C1orf185: variants seen among roughly 807,000 people sequenced by gnomAD.
C1orf185 encodes the protein uncharacterized protein C1orf185.
A neutral mutation model predicts 16.1 loss-of-function variants in C1orf185; 13 were observed. The ratio of observed to expected loss-of-function variants is 0.81; its 90% CI spans 0.53 to 1.28. The LOEUF (loss-of-function observed/expected upper bound fraction) is 1.28. Ranked by LOEUF, C1orf185 falls within the 50% of genes most tolerant of loss-of-function variation. The pLI is 0.00. For synonymous variants in C1orf185, 80 were observed against 76.9 expected (o/e 1.04, Z -0.21); for missense variants, 220 against 225.2 (o/e 0.98, Z 0.15).
intron 1 of C1orf185, among the ~76,000 whole-genome samples, chr1:51,109,791 T>C (rs1288979042): frequency 6.6e-6 from 1 of 152,238 alleles, no homozygotes; most frequent in Non-Finnish European, 1.5e-5. Flanking sequence ...TTGGTTATTA[T>C]AGCATTGTAG....
At chr1:51,129,031 T>G (rs952924923) in intron 3 of C1orf185, among the ~76,000 whole-genome samples, 1 of 150,810 alleles carries the variant, frequency 6.6e-6, no homozygotes, top group African/African-American at 2.4e-5. Flanking sequence ...ATTACAGGCA[T>G]GTACCACCAT....
At chr1:51,117,963 G>A (rs1238952497) in intron 2 of C1orf185, among the ~76,000 whole-genome samples, 1 of 152,082 alleles carries the variant, frequency 6.6e-6, no homozygotes, top group Admixed American at 6.6e-5. Flanking sequence ...ACCCAGGCTG[G>A]AGTGTAGTGA....
downstream of C1orf185, among the ~76,000 whole-genome samples, chr1:51,150,349 C>T (rs113250273): frequency 3.0e-4 from 46 of 152,114 alleles, no homozygotes; most frequent in African/African-American, 1.1e-3. Flanking sequence ...TGTGCCAACA[C>T]GTCCAGCTAA....
chr1:51,109,986 A>C (rs1452915475), intron 1 of C1orf185, among the ~76,000 whole-genome samples: 1 of 152,144 alleles, frequency 6.6e-6, no homozygotes, highest in Middle Eastern at 3.2e-3. Flanking sequence ...GTTACCCTTA[A>C]ATTTTTAACA....
At chr1:51,129,428 T>G (rs553189085) in intron 3 of C1orf185, among the ~76,000 whole-genome samples, 53 of 152,276 alleles carry the variant, frequency 3.5e-4, no homozygotes, top group Non-Finnish European at 7.1e-4. Flanking sequence ...TCATGTAACA[T>G]GTGGTCTTTT....
intron 3 of C1orf185, among the ~76,000 whole-genome samples, chr1:51,138,582 C>T (rs138358478): frequency 5.9e-5 from 9 of 152,090 alleles, no homozygotes; most frequent in East Asian, 3.9e-4. Context: ...TTAGCAGAGA[C>T]GGGCTTTCAC....
intron 3 of C1orf185, among the ~76,000 whole-genome samples, chr1:51,142,125 A>C (rs1427713087): frequency 1.3e-5 from 2 of 152,218 alleles, no homozygotes; most frequent in African/African-American, 4.8e-5. Context: ...GGGGAAATTT[A>C]ATATTGATTC....
chr1:51,118,785 G>C lies in C1orf185; in HGVS notation c.242G>C (p.Gly81Ala), dbSNP rs748722540. ...TTTATTTCTCGAAATTTTCATACTG[G>C]GAGATTCCAATTACAGGTAGGGTGT... ...CVFISRNFHT[G>A]RFQLQEEQRK... is the part of the protein sequence containing the mutation. The change falls in exon 3 of 5, where the codon GGG (glycine) becomes GCG (alanine). Residue 81 changes from glycine (G) to alanine (A), a missense_variant. Gly to Ala is a moderately conservative substitution (Grantham distance 60). Coordinates refer to ENST00000371759, the MANE Select transcript of C1orf185 (RefSeq NM_001136508.2). The C allele has an allele frequency of 1.4e-6, 2 of 1,454,538 alleles. No homozygotes were observed. The highest frequency in any genetic ancestry group is 1.8e-6 in the Non-Finnish European group (2 of 1,092,702). The allele number at this position is 1,454,538 out of a possible 1,614,324, so 90.1% of individuals were successfully genotyped here.
At chr1:51,139,788 T>A (rs1046047231) in intron 3 of C1orf185, among the ~76,000 whole-genome samples, 1 of 152,152 alleles carries the variant, frequency 6.6e-6, no homozygotes, top group Non-Finnish European at 1.5e-5. Context: ...ACACACAAAC[T>A]CAAAATCTTA....
intron 2 of C1orf185, among the ~76,000 whole-genome samples, chr1:51,114,882 A>G (rs1024416376): frequency 2.0e-5 from 3 of 152,176 alleles, no homozygotes; most frequent in Admixed American, 2.0e-4. Flanking sequence ...CTCTGTCAAG[A>G]TATAGAGCTT....
chr1:51,128,556 G>T (rs900781793), intron 3 of C1orf185, among the ~76,000 whole-genome samples: 14 of 151,946 alleles, frequency 9.2e-5, no homozygotes, highest in Non-Finnish European at 1.0e-4. Context: ...AGCCAGGTGT[G>T]GTGGTGCTTG....
chr1:51,125,828 G>A (rs935410201), intron 3 of C1orf185, among the ~76,000 whole-genome samples: 1 of 152,126 alleles, frequency 6.6e-6, no homozygotes, highest in African/African-American at 2.4e-5. Flanking sequence ...GTCCCAAAGA[G>A]GAGGTGCCAG....
At chr1:51,116,040 G>A (rs1411518607) in intron 2 of C1orf185, among the ~76,000 whole-genome samples, 1 of 152,028 alleles carries the variant, frequency 6.6e-6, no homozygotes, top group Admixed American at 6.6e-5. Context: ...TAGGGGGCTG[G>A]TGATAAAAAT....
intron 2 of C1orf185, among the ~76,000 whole-genome samples, chr1:51,113,313 T>A (rs1477427344): frequency 6.6e-6 from 1 of 151,936 alleles, no homozygotes; most frequent in African/African-American, 2.4e-5. Flanking sequence ...CAGAAAAAGA[T>A]CATTTGACAC....
intron 3 of C1orf185, among the ~76,000 whole-genome samples, chr1:51,135,604 C>A (rs1051859360): frequency 6.6e-6 from 1 of 152,142 alleles, no homozygotes; most frequent in African/African-American, 2.4e-5. Flanking sequence ...TAAAATTTAA[C>A]ACAACTTCAT....
Position 51,118,727 on chromosome 1 carries a change from A to G in C1orf185, c.184A>G (p.Met62Val), listed in dbSNP as rs1044922832. The change falls in exon 3 of 5, where the codon ATG (methionine) becomes GTG (valine). Residue 62 changes from methionine (M) to valine (V), a missense_variant. Physicochemically the swap from Met to Val is conservative, Grantham distance 21. Transcript: ENST00000371759. ...IDERCRQRPS[M>V]AKIKSHSQCV... Reference sequence around the variant, plus strand: ...TGAGAGATGCAGGCAAAGACCATCAATGGCGAAGATTAAATCTCATTCTCA... The same window carrying G: ...TGAGAGATGCAGGCAAAGACCATCAGTGGCGAAGATTAAATCTCATTCTCA... The G allele has an allele frequency of 5.3e-6, 8 of 1,496,122 alleles. No homozygotes were observed. The highest frequency in any genetic ancestry group is 1.7e-4 in the Middle Eastern group (1 of 5,818). The allele number at this position is 1,496,122 out of a possible 1,614,324, so 92.7% of individuals were successfully genotyped here. A position where few individuals can be genotyped will look rare whatever the true frequency, so the allele number is the denominator to read the frequency against.
chr1:51,112,231 C>T (rs938480018), intron 1 of C1orf185, among the ~76,000 whole-genome samples: 1 of 152,060 alleles, frequency 6.6e-6, no homozygotes, highest in Non-Finnish European at 1.5e-5. Context: ...CAAATATTGG[C>T]ATCATCAAAG....
rs369885667 is a variant in C1orf185, at chr1:51,126,442, G to A, written c.258+7641G>A. Among the ~76,000 whole-genome samples, 116 of 152,062 alleles carry A rather than the reference G, an allele frequency of 7.6e-4. 1 individual carries two copies. Among genetic ancestry groups the A allele is most frequent in the African/African-American group, 2.4e-3 (98 of 41,490 alleles). On this transcript the variant is annotated intron_variant, in intron 3 of 4. Transcript: ENST00000371759. ...CCATGTCCACTTTAAAAAAAAAATTGTAGAGATAGAGTCTTGCTGTGTTGC... is the reference window on the plus strand; with the variant it reads ...CCATGTCCACTTTAAAAAAAAAATTATAGAGATAGAGTCTTGCTGTGTTGC...
Position 51,138,205 on chromosome 1 carries a change from G to A in C1orf185, c.259-7519G>A, listed in dbSNP as rs11810846. ...TGCACATGTACTCCTGAACCTACAA[G>A]TTAAAAATATATATATATTTAAATT... On this transcript the variant is annotated intron_variant, in intron 3 of 4. Transcript: ENST00000371759. Among the ~76,000 whole-genome samples, 535 of 151,954 alleles carry A rather than the reference G, an allele frequency of 3.5e-3. 5 individuals carry two copies. The highest frequency in any genetic ancestry group is 0.012 in the African/African-American group (509 of 41,454).
Sources: gnomAD v4.1 joint callset for allele counts (sites outside exome capture counted in the v4.1 genomes callset) on GRCh38, gnomAD v4.1.1 for gene constraint, MANE v1.5 for transcripts, NCBI Gene and HGNC (gene_info 2026-07-23, HGNC 2026-07-21) for gene names.